GIT2: variants seen among roughly 807,000 people sequenced by gnomAD.
GIT2 encodes ARF GTPase-activating protein GIT2.
GIT2 carries 32 observed loss-of-function variants against 100.3 expected under a neutral mutation model. That is an observed-to-expected ratio of 0.32 (90% CI 0.24 to 0.43). The LOEUF is 0.43. Among genes scored for constraint, GIT2 ranks in the 20% least tolerant of loss-of-function variants. The pLI is 1.00. For missense variants in GIT2, 737 were observed against 975.1 expected, an observed-to-expected ratio of 0.76 and a Z score of 3.25; for synonymous variants, 353 against 364.1, an observed-to-expected ratio of 0.97 and a Z score of 0.35.
At position 109,945,288 on chromosome 12, in the gene GIT2, G is replaced by C. The variant is rs773484065; in HGVS notation, c.1703C>G (p.Ser568Cys). ...SSLPSFPSTL[S>C]WSRDESARRA... ...TCGGGCGCTTTCGTCCCTCGACCAG[G>C]AAAGTGTGGAGGGGAAGGAAGGCAG... Residue 568 changes from serine to cysteine, a missense_variant, in exon 16 of 20, where the codon TCC becomes TGC. Physicochemically the swap from Ser to Cys is moderately radical, Grantham distance 112. This residue lies in a region of GIT2 where 451 missense variants were observed against 543.7 expected (regional missense o/e 0.83). Coordinates refer to ENST00000355312, the MANE Select transcript of GIT2 (RefSeq NM_057169.5). 6.3e-6 allele frequency: 10 copies of C among 1,578,242 alleles called. No homozygotes were observed. The African/African-American group carries it at 1.1e-4, about 17-fold the overall frequency.
Position 109,969,371 on chromosome 12 carries a change from TAGTC to T in GIT2, c.719-1872_719-1869del, listed in dbSNP as rs571293897. Among the ~76,000 whole-genome samples, 39 of 152,138 alleles carry T rather than the reference TAGTC, an allele frequency of 2.6e-4. No homozygotes were observed. In the East Asian group the frequency reaches 7.2e-3, roughly 28 times the overall value. ...TAGTAGAGATGCAGTTTCACCATGT[TAGTC>T]AGGTTGGTCTTGAACTTCAGACCTC... On this transcript the variant is annotated intron_variant, in intron 7 of 19. Coordinates refer to ENST00000355312, the MANE Select transcript of GIT2 (RefSeq NM_057169.5).
Position 109,948,594 on chromosome 12 carries a change from C to G in GIT2, c.1393-1090G>C. Reference sequence around the variant, plus strand: ...TGCGCCTTCATCTTCCATGGACATTCTATAAGCTGGGTGTGGTGTGAGTTC... The same window carrying G: ...TGCGCCTTCATCTTCCATGGACATTGTATAAGCTGGGTGTGGTGTGAGTTC... On this transcript the variant is annotated intron_variant, in intron 14 of 19. Transcript: ENST00000355312. This position sits in a 1 kb window ranked among gnomAD's most constrained non-coding sequence, Gnocchi z 4.3. 1 of 1,407,108 alleles carries G rather than the reference C, an allele frequency of 7.1e-7. No homozygotes were observed. The highest frequency in any genetic ancestry group is 9.2e-7 in the Non-Finnish European group (1 of 1,088,196). 87.2% of individuals were successfully genotyped at this position (1,407,108 alleles called of 1,614,324 possible). A position where few individuals can be genotyped will look rare whatever the true frequency, so the allele number is the denominator to read the frequency against.
Position 109,947,550 on chromosome 12 carries a change from C to A in GIT2, c.1393-46G>T, listed in dbSNP as rs1345725896. 6.4e-7 allele frequency: 1 copy of A among 1,573,402 alleles called. No homozygotes were observed. ...TGGGACTGTGTTTTTTTACAGCAAG[C>A]AGAAAAAGCAAACACCAAGTAAATG... On this transcript the variant is annotated intron_variant, in intron 14 of 19. Coordinates refer to ENST00000355312, the MANE Select transcript of GIT2 (RefSeq NM_057169.5). The surrounding 1 kb of genome is among the most constrained non-coding windows in gnomAD (Gnocchi z 4.3).
intron 12 of GIT2, among the ~76,000 whole-genome samples, chr12:109,957,058 T>C (rs1879696495): frequency 6.6e-6 from 1 of 151,984 alleles, no homozygotes; most frequent in Admixed American, 6.6e-5. Flanking sequence ...TATTACTTTG[T>C]CTCATATAAT....
intron 18 of GIT2, among the ~76,000 whole-genome samples, chr12:109,935,593 G>A (rs1348757437): frequency 6.6e-6 from 1 of 152,200 alleles, no homozygotes; most frequent in Non-Finnish European, 1.5e-5. Context: ...GTAGAGATGG[G>A]GTTTCACCAT....
chr12:109,951,098 G>A, intron 14 of GIT2, 69 bp downstream of exon 14: 1 of 1,347,112 alleles, frequency 7.4e-7, no homozygotes, highest in Non-Finnish European at 1.1e-6. Flanking sequence ...CCACATCACA[G>A]TGCCTGAGAT....
chr12:109,967,390 C>T, intron 8 of GIT2, 68 bp downstream of exon 8: 2 of 1,515,670 alleles, frequency 1.3e-6, no homozygotes, highest in Admixed American at 1.7e-5. Context: ...ATATAATATA[C>T]TTAAACATAA....
Position 109,939,511 on chromosome 12 carries a change from C to T in GIT2, c.1732-264G>A, listed in dbSNP as rs1322350746. 9 of 286,164 alleles carry T rather than the reference C, an allele frequency of 3.1e-5. No individual in the cohort carries two copies. In the Admixed American group the frequency reaches 4.0e-4, roughly 13 times the overall value. 17.7% of individuals were successfully genotyped at this position (286,164 alleles called of 1,614,324 possible). ...AGTACAAACTAACAGACATGCAAGG[C>T]AACATATCCTCATTTAGTTCTCAAA... On this transcript the variant is annotated intron_variant, in intron 16 of 19. Transcript: ENST00000355312.
intron 7 of GIT2, among the ~76,000 whole-genome samples, chr12:109,978,118 T>A (rs1032872612): frequency 1.0e-4 from 15 of 146,024 alleles, no homozygotes; most frequent in African/African-American, 3.8e-4. Context: ...AGTTTCGCTC[T>A]GTTGCCCAGG....
chr12:109,945,189 G>T, intron 16 of GIT2, 71 bp downstream of exon 16: 1 of 760,404 alleles, frequency 1.3e-6, no homozygotes. Flanking sequence ...AGGAGGGCCA[G>T]AGCCCAAGCA....
chr12:109,994,206 A>T (rs913281209), intron 1 of GIT2, among the ~76,000 whole-genome samples: 1 of 152,082 alleles, frequency 6.6e-6, no homozygotes, highest in Non-Finnish European at 1.5e-5. Context: ...TCGACTAACC[A>T]CTTTAGCATC....
chr12:109,981,183 G>A, intron 6 of GIT2, 137 bp from the exon 7 acceptor site: 2 of 663,072 alleles, frequency 3.0e-6, no homozygotes, highest in Non-Finnish European at 5.5e-6. Context: ...TCTTGTGGTA[G>A]GTAGATTTCT....
intron 8 of GIT2, 147 bp downstream of exon 8, chr12:109,967,311 T>A: frequency 1.3e-6 from 2 of 1,595,832 alleles, no homozygotes; most frequent in Non-Finnish European, 1.7e-6. Flanking sequence ...GTGGTTTACT[T>A]ACAGCCGTCT....
At chr12:109,981,218 T>TA in intron 6 of GIT2, 172 bp from the exon 7 acceptor site, 1 of 580,886 alleles carries the variant, frequency 1.7e-6, no homozygotes, top group African/African-American at 1.9e-5. Context: ...ATCCCACTTT[T>TA]ATAAACTGTT....
At position 109,947,280 on chromosome 12, in the gene GIT2, C is replaced by T; in HGVS notation, c.1617G>A (p.Met539Ile). 1 of 1,614,122 alleles carries T rather than the reference C, an allele frequency of 6.2e-7. No homozygotes were observed. The highest frequency in any genetic ancestry group is 1.3e-5 in the African/African-American group (1 of 75,044). The change falls in exon 15 of 20, where the codon ATG becomes ATA. Residue 539 changes from methionine to isoleucine, a missense_variant. Physicochemically the swap from Met to Ile is conservative, Grantham distance 10 (BLOSUM62 1). Around this residue, in one of 3 missense-constraint regions of GIT2, gnomAD observed 451 missense variants for 543.7 expected, o/e 0.83. Coordinates refer to ENST00000355312, the MANE Select transcript of GIT2 (RefSeq NM_057169.5). This position sits in a 1 kb window ranked among gnomAD's most constrained non-coding sequence, Gnocchi z 4.3. ...GEASRPEESR[M>I]RLQPFPAHIG... ...CGTGCGCGGGGAAGGGCTGGAGTCTCATCCTGCTCTCTTCGGGGCGGCTCG... is the reference window on the plus strand; with the variant it reads ...CGTGCGCGGGGAAGGGCTGGAGTCTTATCCTGCTCTCTTCGGGGCGGCTCG...
At chr12:109,966,204 C>A (rs1882321957) in intron 8 of GIT2, among the ~76,000 whole-genome samples, 1 of 150,110 alleles carries the variant, frequency 6.7e-6, no homozygotes, top group South Asian at 2.2e-4. Context: ...CCATCTTGGC[C>A]AGGCTGGTCT....
intron 15 of GIT2, among the ~76,000 whole-genome samples, chr12:109,945,909 C>T (rs1172405020): frequency 1.3e-5 from 2 of 151,900 alleles, no homozygotes; most frequent in East Asian, 1.9e-4. Flanking sequence ...CTGAGGCGGG[C>T]GGATTGCCTG....
Position 109,953,148 on chromosome 12 carries a change from C to T in GIT2, c.1186G>A (p.Ala396Thr), listed in dbSNP as rs1171487975. The change falls in exon 13 of 20, where the codon GCA becomes ACA. Residue 396 changes from alanine to threonine, a missense_variant. Coordinates refer to ENST00000355312, the MANE Select transcript of GIT2 (RefSeq NM_057169.5). ...DNDQPDYDSV[A>T]SDEDTDLETT... The stretch of plus-strand genomic sequence containing the variant: ...TCCAAATCTGTGTCTTCGTCTGATG[C>T]CACGCTGTCATAGTCGGGCTGATCG... 3 of 1,614,034 alleles carry T rather than the reference C, an allele frequency of 1.9e-6. No homozygotes were observed. The highest frequency in any genetic ancestry group is 2.5e-6 in the Non-Finnish European group (3 of 1,179,910).
chr12:109,930,066 G>A lies in GIT2; in HGVS notation c.*2912C>T, dbSNP rs1258040642. The A allele has an allele frequency of 6.6e-6, 1 of 152,570 alleles. No homozygotes were observed. Among genetic ancestry groups the A allele is most frequent in the Non-Finnish European group, 1.5e-5 (1 of 68,034 alleles). The allele number at this position is 152,570 out of a possible 1,614,324, so 9.5% of individuals were successfully genotyped here. On this transcript the variant is annotated 3_prime_UTR_variant, in exon 20 of 20. Coordinates refer to ENST00000355312, the MANE Select transcript of GIT2 (RefSeq NM_057169.5). ...TGGAAAGCTCATGGGTGCCATTGAG[G>A]ACAAAAACAGGCGAGTTTTGCTCTT...
Sources: gnomAD v4.1 joint callset for allele counts (sites outside exome capture counted in the v4.1 genomes callset) on GRCh38, gnomAD v4.1.1 for gene constraint, gnomAD v4.1.1 regional missense constraint, Gnocchi (gnomAD v3.1) non-coding constraint, MANE v1.5 for transcripts, NCBI Gene and HGNC (gene_info 2026-07-23, HGNC 2026-07-21) for gene names.